The following FMN2 variants were observed in gnomAD, a reference collection of about 807,000 sequenced individuals.
The protein encoded by FMN2 is formin 2, also known as formin-2.
Under a neutral mutation model 142.3 loss-of-function variants are expected in FMN2, and 51 were observed. The ratio of observed to expected loss-of-function variants is 0.36; its 90% CI spans 0.29 to 0.45. The LOEUF (loss-of-function observed/expected upper bound fraction) is 0.45. Ranked by LOEUF, FMN2 falls within the 20% of genes least tolerant of loss-of-function variation. FMN2 has a pLI of 1.00. For missense variants in FMN2, 1,936 were observed against 2,122.8 expected, an observed-to-expected ratio of 0.91 and a Z score of 1.73; for synonymous variants, 882 against 869.8, an observed-to-expected ratio of 1.01 and a Z score of -0.25.
At chr1:240,394,081 G>T (rs1267161177) in intron 15 of FMN2, among the ~76,000 whole-genome samples, 1 of 152,192 alleles carries the variant, frequency 6.6e-6, no homozygotes, top group African/African-American at 2.4e-5. Context: ...TAAGGAAGAG[G>T]AGGTACTCAG....
intron 8 of FMN2, among the ~76,000 whole-genome samples, chr1:240,295,549 AGCATTAT>A (rs67439222): frequency 0.21 from 31,576 of 152,008 alleles, 3,508 homozygotes; most frequent in Admixed American, 0.33. Flanking sequence ...TATTTCACTT[AGCATTAT>A]GCCCTCCAGG....
At chr1:240,345,636 C>T (rs551246425) in intron 13 of FMN2, among the ~76,000 whole-genome samples, 2 of 152,012 alleles carry the variant, frequency 1.3e-5, no homozygotes, top group Non-Finnish European at 2.9e-5. Flanking sequence ...GCATGCACCA[C>T]CATGACCGGC....
At chr1:240,398,544 C>G (rs1673867514) in intron 15 of FMN2, among the ~76,000 whole-genome samples, 1 of 152,040 alleles carries the variant, frequency 6.6e-6, no homozygotes, top group South Asian at 2.1e-4. Context: ...CAATGAACCC[C>G]AAAATTCAAA....
intron 7 of FMN2, among the ~76,000 whole-genome samples, chr1:240,293,158 A>C (rs1669850091): frequency 1.3e-5 from 2 of 152,174 alleles, no homozygotes; most frequent in Admixed American, 6.5e-5. Flanking sequence ...GGATATTCAC[A>C]AGTTTTATGT....
chr1:240,271,884 T>C lies in FMN2; in HGVS notation c.4153+13852T>C, dbSNP rs544255269. On this transcript the variant is annotated intron_variant, in intron 7 of 17. Transcript: ENST00000319653. ...TATTAGATCAAGGTCAAATGAATTATAATGTCTTTTACTACAAGTTCAGCA... is the reference window on the plus strand; with the variant it reads ...TATTAGATCAAGGTCAAATGAATTACAATGTCTTTTACTACAAGTTCAGCA... 2.0e-5 allele frequency among the ~76,000 whole-genome samples: 3 copies of C among 152,328 alleles called. No homozygotes were observed. The East Asian group carries it at 5.8e-4, about 29-fold the overall frequency.
At chr1:240,280,005 G>A (rs1367162012) in intron 7 of FMN2, among the ~76,000 whole-genome samples, 1 of 152,070 alleles carries the variant, frequency 6.6e-6, no homozygotes, top group Non-Finnish European at 1.5e-5. Context: ...GTTGATTAAG[G>A]TGATCTCTGT....
intron 7 of FMN2, among the ~76,000 whole-genome samples, chr1:240,266,635 T>C (rs1404547516): frequency 6.6e-6 from 1 of 152,116 alleles, no homozygotes; most frequent in African/African-American, 2.4e-5. Flanking sequence ...AGGTTGATTC[T>C]AAATCTTTGC....
chr1:240,212,586 C>A (rs189132992), intron 6 of FMN2, among the ~76,000 whole-genome samples: 124 of 152,212 alleles, frequency 8.1e-4, no homozygotes, highest in Non-Finnish European at 1.6e-3. Flanking sequence ...TGATTAAAAA[C>A]CAGAAGGTTA....
rs535601909 is a variant in FMN2 at position 240,456,510 on chromosome 1, G to A, written c.5061-15862G>A. 5.3e-5 allele frequency among the ~76,000 whole-genome samples: 8 copies of A among 152,238 alleles called. No homozygotes were observed. In the South Asian group the frequency reaches 1.5e-3, roughly 28 times the overall value. On this transcript the variant is annotated intron_variant, in intron 16 of 17. Transcript: ENST00000319653. ...TCGCTCTTGTTGCCCAGGCTGGAGC[G>A]CAATGGCACGATCTCGGTTCACCAC... is the stretch of plus-strand genomic sequence containing the variant.
rs750749236 is a variant in FMN2, at chr1:240,091,972, G to T, written c.-138G>T. ...TGCGAGCGGGGCCAGCCGGGCGCGC[G>T]TCGGCCTCCCCTCCCAGCGGCTCCC... On this transcript the variant is annotated 5_prime_UTR_variant, in exon 1 of 18. Coordinates refer to ENST00000319653, the MANE Select transcript of FMN2 (RefSeq NM_020066.5). The T allele has an allele frequency of 1.5e-6, 2 of 1,345,032 alleles. No homozygotes were observed. Among genetic ancestry groups the T allele is most frequent in the Admixed American group, 7.5e-5 (2 of 26,582 alleles). The allele number at this position is 1,345,032 out of a possible 1,614,324, so 83.3% of individuals were successfully genotyped here. A position where few individuals can be genotyped will look rare whatever the true frequency, so the allele number is the denominator to read the frequency against.
intron 14 of FMN2, among the ~76,000 whole-genome samples, chr1:240,376,947 A>G (rs1384374108): frequency 1.3e-5 from 2 of 152,210 alleles, no homozygotes; most frequent in African/African-American, 4.8e-5. Context: ...CTACAACAGT[A>G]TACTGTCATT....
intron 3 of FMN2, among the ~76,000 whole-genome samples, chr1:240,186,218 T>C (rs1236377150): frequency 6.6e-5 from 10 of 152,168 alleles, no homozygotes; most frequent in Admixed American, 5.9e-4. Flanking sequence ...AAATCCTTAC[T>C]CTCTCTTTCT....
rs1236502897 is a variant in FMN2, at chr1:240,251,921, A to C, written c.4066-6024A>C. ...GTATTTTATTTTGTTTTATTTATTT[A>C]TTTTTGAGACGAAGTCTCACTCTGT... On this transcript the variant is annotated intron_variant, in intron 6 of 17. Coordinates refer to ENST00000319653, the MANE Select transcript of FMN2 (RefSeq NM_020066.5). 2.6e-5 allele frequency among the ~76,000 whole-genome samples: 4 copies of C among 152,022 alleles called. No homozygotes were observed. The East Asian group carries it at 7.7e-4, about 29-fold the overall frequency.
rs1181028252 is a variant in FMN2 at position 240,207,281 on chromosome 1, A to G, written c.2469A>G (p.Gly823=). Reference sequence around the variant, plus strand: ...CCCTTCTGTGGTCTGCTGGGCAAGGACAGCCTGGGTCACAGCCGCCCCATT... The same window carrying G: ...CCCTTCTGTGGTCTGCTGGGCAAGGGCAGCCTGGGTCACAGCCGCCCCATT... ...PPSLLWSAGQ[G]QPGSQPPHSI... is the part of the protein sequence containing the mutation. The change falls in exon 5 of 18, where the codon GGA becomes GGG. Residue 823 remains glycine, a synonymous_variant. Transcript: ENST00000319653. 2.5e-6 allele frequency: 4 copies of G among 1,613,932 alleles called. No individual in the cohort carries two copies. Among genetic ancestry groups the G allele is most frequent in the Non-Finnish European group, 3.4e-6 (4 of 1,179,920 alleles).
intron 6 of FMN2, among the ~76,000 whole-genome samples, chr1:240,231,991 G>A (rs1341436906): frequency 2.6e-5 from 4 of 152,134 alleles, no homozygotes; most frequent in Non-Finnish European, 5.9e-5. Flanking sequence ...TCAGATAAGA[G>A]TATTACTTAT....
At chr1:240,430,038 A>G (rs1205990174) in intron 15 of FMN2, among the ~76,000 whole-genome samples, 5 of 151,666 alleles carry the variant, frequency 3.3e-5, no homozygotes, top group Admixed American at 2.6e-4. Flanking sequence ...GGCGCCCACC[A>G]CCGTGCCCTG....
At chr1:240,226,147 A>G (rs2103431926) in intron 6 of FMN2, among the ~76,000 whole-genome samples, 1 of 152,308 alleles carries the variant, frequency 6.6e-6, no homozygotes, top group South Asian at 2.1e-4. Flanking sequence ...ATGTGGCTGA[A>G]AACTTCTCAA....
intron 15 of FMN2, among the ~76,000 whole-genome samples, chr1:240,428,053 A>T (rs762281226): frequency 7.3e-5 from 11 of 151,326 alleles, no homozygotes; most frequent in Non-Finnish European, 1.5e-4. Flanking sequence ...GAAATGCAGG[A>T]TTCTTTCCTT....
intron 1 of FMN2, among the ~76,000 whole-genome samples, chr1:240,099,305 G>A (rs2103172015): frequency 6.7e-6 from 1 of 149,696 alleles, no homozygotes; most frequent in South Asian, 2.1e-4. Context: ...CCCCAGTTTT[G>A]TTTTGTTTTG....
Sources: allele counts gnomAD v4.1 joint callset (sites outside exome capture counted in the v4.1 genomes callset), GRCh38; gene constraint gnomAD v4.1.1; transcripts MANE v1.5; gene names NCBI Gene and HGNC (gene_info 2026-07-23, HGNC 2026-07-21).